The following CEP250 variants were observed in gnomAD, a reference collection of about 807,000 sequenced individuals.
The protein encoded by CEP250 is centrosome-associated protein CEP250.
A neutral mutation model predicts 315.7 loss-of-function variants in CEP250; 242 were observed. That is an observed-to-expected ratio of 0.77 (90% CI 0.69 to 0.85). The LOEUF (loss-of-function observed/expected upper bound fraction) is 0.85. Among genes scored for constraint, CEP250 ranks in the 40% least tolerant of loss-of-function variants. The pLI is 0.00. For synonymous variants in CEP250, 1,088 were observed against 1,175.0 expected (o/e 0.93, Z 1.51); for missense variants, 2,515 against 2,886.4 (o/e 0.87, Z 2.95).
Position 35,493,501 on chromosome 20 carries a change from A to G in CEP250, c.2962A>G (p.Arg988Gly), listed in dbSNP as rs1420719006. The change falls in exon 23 of 35, where the codon AGA becomes GGA. Residue 988 changes from arginine (R) to glycine (G), a missense_variant. By Grantham distance (125) the Arg-to-Gly change is moderately radical. Coordinates refer to ENST00000397527, the MANE Select transcript of CEP250 (RefSeq NM_007186.6). ...GCTGAAGGAGGCAGCCCGGCAGCAC[A>G]GAGATGACCTTGCTGCCCTCCAAGA... ...RELKEAARQHRDDLAALQEES... is the reference protein window; with the variant it reads ...RELKEAARQHGDDLAALQEES... 1.9e-6 allele frequency: 3 copies of G among 1,609,790 alleles called. No homozygotes were observed. The highest frequency in any genetic ancestry group is 2.7e-5 in the African/African-American group (2 of 74,716).
rs761117663 is a variant in CEP250, at chr20:35,503,569, A to G, written c.5200A>G (p.Lys1734Glu). The change falls in exon 30 of 35, where the codon AAG becomes GAG. Residue 1734 changes from lysine to glutamate, a missense_variant. Physicochemically the swap from Lys to Glu is moderately conservative, Grantham distance 56. Coordinates refer to ENST00000397527, the MANE Select transcript of CEP250 (RefSeq NM_007186.6). The surrounding 1 kb of genome is among the most constrained non-coding windows in gnomAD (Gnocchi z 4.2). ...GCACATGAAGCTGATCCTGCGTGAT[A>G]AGGAGAAGGAGGTGGAATGTCAGCA... ...LEHMKLILRDKEKEVECQQEH... is the reference protein window; with the variant it reads ...LEHMKLILRDEEKEVECQQEH... 7 of 1,614,104 alleles carry G rather than the reference A, an allele frequency of 4.3e-6. No individual in the cohort carries two copies. In the South Asian group the frequency reaches 7.7e-5, roughly 18 times the overall value.
chr20:35,466,812 C>A (rs947741343), intron 7 of CEP250, among the ~76,000 whole-genome samples, 154 bp from the exon 8 acceptor site: 1 of 152,146 alleles, frequency 6.6e-6, no homozygotes, highest in Non-Finnish European at 1.5e-5. Flanking sequence ...CTTTATTAAG[C>A]CCTTCACCAT....
chr20:35,503,833 C>T lies in CEP250; in HGVS notation c.5464C>T (p.Leu1822=). The change falls in exon 30 of 35, where the codon CTG becomes TTG. Residue 1822 remains leucine, a synonymous_variant. Transcript: ENST00000397527. This position sits in a 1 kb window ranked among gnomAD's most constrained non-coding sequence, Gnocchi z 4.2. ...CCAGAGGGACCAGGAACTGGAGGCT[C>T]TGCAGCAAGAACAGCAGCAGGCCCA... ...LAQRDQELEA[L]QQEQQQAQGQ... 3.1e-6 allele frequency: 5 copies of T among 1,614,028 alleles called. No homozygotes were observed. Among genetic ancestry groups the T allele is most frequent in the Non-Finnish European group, 4.2e-6 (5 of 1,180,016 alleles).
chr20:35,476,562 A>G lies in CEP250; in HGVS notation c.1830A>G (p.Leu610=), dbSNP rs1341194462. 6.2e-7 allele frequency: 1 copy of G among 1,613,742 alleles called. No homozygotes were observed. The highest frequency in any genetic ancestry group is 1.3e-5 in the African/African-American group (1 of 74,922). Residue 610 remains leucine (L), a synonymous_variant, in exon 16 of 35, where the codon TTA becomes TTG. Transcript: ENST00000397527. Reference sequence around the variant, plus strand: ...GTGCCTTAAATGAGGCTTTGGCGTTAGATAAAGTTGGGCTGAACCAGCAGC... The same window carrying G: ...GTGCCTTAAATGAGGCTTTGGCGTTGGATAAAGTTGGGCTGAACCAGCAGC... ...KLSALNEALA[L]DKVGLNQQLL...
At chr20:35,480,271 G>T in intron 20 of CEP250, 126 bp downstream of exon 20, 1 of 930,072 alleles carries the variant, frequency 1.1e-6, no homozygotes, top group Non-Finnish European at 1.6e-6. Flanking sequence ...CCAACTTCCT[G>T]CTATTAAATG....
intron 5 of CEP250, 78 bp from the exon 6 acceptor site, chr20:35,465,665 A>G (rs943495169): frequency 9.7e-7 from 1 of 1,027,792 alleles, no homozygotes; most frequent in Non-Finnish European, 1.4e-6. Flanking sequence ...GTGGACTGCC[A>G]TGGAAGGGAG....
rs761799414 is a variant in CEP250 at position 35,500,171 on chromosome 20, T to C, written c.3898+2T>C. 6.2e-7 allele frequency: 1 copy of C among 1,613,336 alleles called. No individual in the cohort carries two copies. The highest frequency in any genetic ancestry group is 8.5e-7 in the Non-Finnish European group (1 of 1,179,956). On this transcript the variant is annotated splice_donor_variant, in intron 28 of 34. Transcript: ENST00000397527. LOFTEE classifies it high-confidence loss of function. ...GACAGCTCTCCCAGAATCAGGAAGG[T>C]GAGAAGCTCAAGACAGGCAGGGAGA...
Position 35,502,517 on chromosome 20 carries a change from C to T in CEP250, c.4148C>T (p.Thr1383Met), listed in dbSNP as rs758095541. The T allele has an allele frequency of 7.2e-5, 117 of 1,614,000 alleles. No homozygotes were observed. Among genetic ancestry groups the T allele is most frequent in the South Asian group, 9.9e-5 (9 of 91,074 alleles). ...AAGILEEDLRTARSALKLKNE... is the reference protein window; with the variant it reads ...AAGILEEDLRMARSALKLKNE... ...GGCATCCTGGAAGAAGACCTGAGAACGGCTCGCTCAGCACTGAAGCTGAAA... is the reference window on the plus strand; with the variant it reads ...GGCATCCTGGAAGAAGACCTGAGAATGGCTCGCTCAGCACTGAAGCTGAAA... The change falls in exon 30 of 35, where the codon ACG (threonine) becomes ATG (methionine). Residue 1383 changes from threonine to methionine, a missense_variant. By Grantham distance (81) the Thr-to-Met change is moderately conservative. Transcript: ENST00000397527.
chr20:35,512,835 C>G lies in CEP250; in HGVS notation c.*1209C>G, dbSNP rs2064388466. 6.6e-6 allele frequency: 1 copy of G among 152,270 alleles called. No homozygotes were observed. The highest frequency in any genetic ancestry group is 2.4e-5 in the African/African-American group (1 of 41,450). The allele number at this position is 152,270 out of a possible 1,614,324, so 9.4% of individuals were successfully genotyped here. A position where few individuals can be genotyped will look rare whatever the true frequency, so the allele number is the denominator to read the frequency against. ...TCAACCTCTCAAAGTGCTGGGATTA[C>G]CGGTGTGAGCCACCATGCCCAACCA... is the stretch of plus-strand genomic sequence containing the variant. On this transcript the variant is annotated 3_prime_UTR_variant, in exon 35 of 35. Transcript: ENST00000397527.
chr20:35,495,251 C>T (rs1453710168), intron 24 of CEP250, among the ~76,000 whole-genome samples: 1 of 152,148 alleles, frequency 6.6e-6, no homozygotes, highest in Non-Finnish European at 1.5e-5. Flanking sequence ...GTGGCATGAG[C>T]TGGGCAGGTC....
chr20:35,463,217 A>G (rs974811798), intron 4 of CEP250, among the ~76,000 whole-genome samples: 1 of 152,208 alleles, frequency 6.6e-6, no homozygotes, highest in African/African-American at 2.4e-5. Context: ...AGCCTGGCCA[A>G]CATGGCAAAA....
At chr20:35,474,345 A>G (rs1408632637) in intron 14 of CEP250, among the ~76,000 whole-genome samples, 1 of 152,248 alleles carries the variant, frequency 6.6e-6, no homozygotes, top group East Asian at 1.9e-4. Flanking sequence ...TCACTGTGAC[A>G]TGAGGCTGGA....
At chr20:35,476,124 C>T (rs561487865) in intron 15 of CEP250, 7 of 249,740 alleles carry the variant, frequency 2.8e-5, no homozygotes, top group Admixed American at 2.5e-4. Flanking sequence ...ACAACTTAAT[C>T]GTCAACTCCT....
At chr20:35,466,757 G>A (rs1478348753) in intron 7 of CEP250, among the ~76,000 whole-genome samples, 10 of 152,170 alleles carry the variant, frequency 6.6e-5, no homozygotes, top group Admixed American at 6.5e-5. Flanking sequence ...AGAGGAAGGC[G>A]ATATACCATC....
chr20:35,514,511 G>T lies in CEP250; in HGVS notation c.*2885G>T, dbSNP rs2064413167. 6.6e-6 allele frequency: 1 copy of T among 152,386 alleles called. No homozygotes were observed. 9.4% of individuals were successfully genotyped at this position (152,386 alleles called of 1,614,324 possible). On this transcript the variant is annotated 3_prime_UTR_variant, in exon 35 of 35. Coordinates refer to ENST00000397527, the MANE Select transcript of CEP250 (RefSeq NM_007186.6). ...GGAGTGCTGAGGTCCGGCGGGTGCT[G>T]CCCCTGTTCTCTCAAGGATCCCACG... is the stretch of plus-strand genomic sequence containing the variant.
chr20:35,470,352 T>C (rs996247585), intron 10 of CEP250, among the ~76,000 whole-genome samples: 2 of 152,184 alleles, frequency 1.3e-5, no homozygotes, highest in East Asian at 1.9e-4. Context: ...CTGAGGAGTA[T>C]GGCAATGTTT....
chr20:35,497,183 A>C (rs1164172084), intron 25 of CEP250, among the ~76,000 whole-genome samples: 2 of 152,308 alleles, frequency 1.3e-5, no homozygotes, highest in Admixed American at 1.3e-4. Context: ...TGTAAGAGCC[A>C]GATGGTGGCT....
chr20:35,475,881 T>C (rs1377994146), intron 15 of CEP250, among the ~76,000 whole-genome samples: 2 of 152,244 alleles, frequency 1.3e-5, no homozygotes. Context: ...TCTAGCTCTG[T>C]GGTGCCACAT....
chr20:35,503,896 C>T lies in CEP250; in HGVS notation c.5527C>T (p.Leu1843Phe), dbSNP rs768979527. ...EERVKEKADA[L>F]QGALEQAHMT... ...GAGGGTGAAGGAAAAGGCAGACGCC[C>T]TCCAGGGAGCTCTGGAGCAAGCCCA... The change falls in exon 30 of 35, where the codon CTC (leucine) becomes TTC (phenylalanine). Residue 1843 changes from leucine (L) to phenylalanine (F), a missense_variant. Coordinates refer to ENST00000397527, the MANE Select transcript of CEP250 (RefSeq NM_007186.6). The surrounding 1 kb of genome is among the most constrained non-coding windows in gnomAD (Gnocchi z 4.2). 3.0e-5 allele frequency: 49 copies of T among 1,613,760 alleles called. No homozygotes were observed. Among genetic ancestry groups the T allele is most frequent in the Admixed American group, 1.3e-4 (8 of 59,966 alleles).
Sources: allele counts gnomAD v4.1 joint callset (sites outside exome capture counted in the v4.1 genomes callset), GRCh38; gene constraint gnomAD v4.1.1; non-coding constraint Gnocchi (gnomAD v3.1); transcripts MANE v1.5; gene names NCBI Gene and HGNC (gene_info 2026-07-23, HGNC 2026-07-21).